Variants in CNTNAP5 observed in about 807,000 individuals in gnomAD.
The protein encoded by CNTNAP5 is contactin-associated protein-like 5.
In CNTNAP5, 72 loss-of-function variants were observed where a neutral mutation model predicts 150.2. The ratio of observed to expected loss-of-function variants is 0.48; its 90% CI spans 0.40 to 0.58. The LOEUF (loss-of-function observed/expected upper bound fraction) is 0.58, where lower values mean the gene tolerates loss of function less well. CNTNAP5 is among the 20% of genes least tolerant of loss of function. The pLI is 0.00. For missense variants in CNTNAP5, 1,636 were observed against 1,626.2 expected (o/e 1.01, Z -0.10); for synonymous variants, 672 against 619.8 (o/e 1.08, Z -1.25).
At chr2:124,705,681 T>C (rs1679622137) in intron 13 of CNTNAP5, among the ~76,000 whole-genome samples, 1 of 151,884 alleles carries the variant, frequency 6.6e-6, no homozygotes, top group South Asian at 2.1e-4. Flanking sequence ...ATAAAACAAA[T>C]GATTTTTTAA....
At chr2:124,180,312 G>A (rs921848673) in intron 1 of CNTNAP5, among the ~76,000 whole-genome samples, 1 of 152,136 alleles carries the variant, frequency 6.6e-6, no homozygotes, top group Non-Finnish European at 1.5e-5. Context: ...TTTTCTGGAA[G>A]CGCTTGGTGG....
At chr2:124,037,258 G>A (rs926864953) in intron 1 of CNTNAP5, among the ~76,000 whole-genome samples, 1 of 152,140 alleles carries the variant, frequency 6.6e-6, no homozygotes, top group Non-Finnish European at 1.5e-5. Flanking sequence ...CACTATTAGT[G>A]TCTGTTCCTG....
intron 1 of CNTNAP5, among the ~76,000 whole-genome samples, chr2:124,104,929 T>C (rs1683142469): frequency 6.6e-6 from 1 of 151,846 alleles, no homozygotes; most frequent in Non-Finnish European, 1.5e-5. Flanking sequence ...GAAATGTGCA[T>C]AATCATATAC....
At chr2:124,042,076 G>T (rs1681387847) in intron 1 of CNTNAP5, among the ~76,000 whole-genome samples, 1 of 152,096 alleles carries the variant, frequency 6.6e-6, no homozygotes, top group South Asian at 2.1e-4. Flanking sequence ...GGCCAGGCTG[G>T]TCTTACACTC....
chr2:124,527,034 GAC>G (rs1694984081), intron 9 of CNTNAP5, among the ~76,000 whole-genome samples: 1 of 152,146 alleles, frequency 6.6e-6, no homozygotes, highest in Non-Finnish European at 1.5e-5. Flanking sequence ...GTAAGAAGGA[GAC>G]ACATGTTACA....
intron 6 of CNTNAP5, among the ~76,000 whole-genome samples, chr2:124,447,972 A>T (rs1299365422): frequency 6.6e-6 from 1 of 152,152 alleles, no homozygotes; most frequent in East Asian, 1.9e-4. Flanking sequence ...CCTAGGCATT[A>T]TTAAAAATTA....
chr2:124,600,880 G>C (rs2104973359), intron 11 of CNTNAP5, among the ~76,000 whole-genome samples: 1 of 152,160 alleles, frequency 6.6e-6, no homozygotes, highest in South Asian at 2.1e-4. Flanking sequence ...TAATTATAAT[G>C]CTGAATCTTA....
At position 124,418,421 on chromosome 2, in the gene CNTNAP5, G is replaced by T. The variant is rs534067526; in HGVS notation, c.529+831G>T. 2.0e-5 allele frequency among the ~76,000 whole-genome samples: 3 copies of T among 152,234 alleles called. No homozygotes were observed. The East Asian group carries it at 5.8e-4, about 30-fold the overall frequency. On this transcript the variant is annotated intron_variant, in intron 4 of 23. Coordinates refer to ENST00000682447, the MANE Select transcript of CNTNAP5 (RefSeq NM_001367498.1). ...ACTGTTTTCCATAGTGAGATCAACT[G>T]AATGCCTGTATCAGAATCAATAGGA... is the stretch of plus-strand genomic sequence containing the variant.
At chr2:124,271,767 TGCATTG>T (rs995374355) in intron 3 of CNTNAP5, among the ~76,000 whole-genome samples, 8 of 152,230 alleles carry the variant, frequency 5.3e-5, no homozygotes, top group Admixed American at 3.3e-4. Flanking sequence ...CAGGCTGTAG[TGCATTG>T]GCACGATCTC....
intron 4 of CNTNAP5, among the ~76,000 whole-genome samples, chr2:124,417,858 C>T (rs1414362112): frequency 6.6e-6 from 1 of 152,148 alleles, no homozygotes; most frequent in East Asian, 1.9e-4. Flanking sequence ...ACCATTTGTC[C>T]TTTGCAGTTA....
At chr2:124,052,778 C>T (rs902027677) in intron 1 of CNTNAP5, among the ~76,000 whole-genome samples, 12 of 152,202 alleles carry the variant, frequency 7.9e-5, no homozygotes, top group Non-Finnish European at 1.3e-4. Context: ...CTGAACTCAG[C>T]CCTCCTTTGC....
chr2:124,652,320 T>C (rs1181608142), intron 13 of CNTNAP5, among the ~76,000 whole-genome samples: 1 of 152,126 alleles, frequency 6.6e-6, no homozygotes, highest in Non-Finnish European at 1.5e-5. Flanking sequence ...CAGTGCAGCT[T>C]CCAGTACAGA....
At chr2:124,639,753 A>G (rs1678050376) in intron 12 of CNTNAP5, among the ~76,000 whole-genome samples, 1 of 152,180 alleles carries the variant, frequency 6.6e-6, no homozygotes, top group South Asian at 2.1e-4. Flanking sequence ...AATAGTTTCT[A>G]TGACCATGAT....
At chr2:124,577,638 A>G (rs1696313854) in intron 11 of CNTNAP5, among the ~76,000 whole-genome samples, 1 of 152,174 alleles carries the variant, frequency 6.6e-6, no homozygotes, top group African/African-American at 2.4e-5. Context: ...TTATATACTA[A>G]GAAAATAATG....
At chr2:124,884,638 T>TA (rs909531357) in intron 21 of CNTNAP5, among the ~76,000 whole-genome samples, 5 of 151,830 alleles carry the variant, frequency 3.3e-5, no homozygotes, top group Admixed American at 6.6e-5. Flanking sequence ...ACATTTCCTA[T>TA]AAAAAAAACT....
chr2:124,228,193 A>G (rs77164151), intron 2 of CNTNAP5, among the ~76,000 whole-genome samples: 518 of 152,230 alleles, frequency 3.4e-3, no homozygotes, highest in Non-Finnish European at 5.9e-3. Flanking sequence ...AAGAACCTGG[A>G]ATTCTGATGT....
intron 11 of CNTNAP5, among the ~76,000 whole-genome samples, chr2:124,570,562 G>GTTTCATTTTAGTGCTGA (rs140552578): frequency 1.3e-5 from 2 of 152,000 alleles, no homozygotes; most frequent in African/African-American, 4.8e-5. Flanking sequence ...CAGTTTGTTG[G>GTTTCATTTTAGTGCTGA]GGATCGGGTT....
At chr2:124,429,704 G>A (rs2920061) in intron 4 of CNTNAP5, among the ~76,000 whole-genome samples, 149,192 of 152,274 alleles carry the variant, frequency 0.98, 73,157 homozygotes, top group East Asian at 1. Flanking sequence ...ACTAAAGGCC[G>A]TGCATCCTCT....
intron 12 of CNTNAP5, among the ~76,000 whole-genome samples, chr2:124,641,505 A>G (rs1248056900): frequency 6.6e-6 from 1 of 152,240 alleles, no homozygotes; most frequent in Non-Finnish European, 1.5e-5. Context: ...TATCAATGCA[A>G]AATGACAAGA....
Sources: allele counts gnomAD v4.1 joint callset (sites outside exome capture counted in the v4.1 genomes callset), GRCh38; gene constraint gnomAD v4.1.1; transcripts MANE v1.5; gene names NCBI Gene and HGNC (gene_info 2026-07-23, HGNC 2026-07-21).